MZT1: variants seen among roughly 807,000 people sequenced by gnomAD.
The protein encoded by MZT1 is mitotic-spindle organizing protein 1.
In MZT1, 8 loss-of-function variants were observed where a neutral mutation model predicts 8.5. That is an observed-to-expected ratio of 0.94 (90% CI 0.55 to 1.70). The LOEUF (loss-of-function observed/expected upper bound fraction) is 1.70, where lower values mean the gene tolerates loss of function less well. Among genes scored for constraint, MZT1 ranks in the 40% most tolerant of loss-of-function variants. The pLI, the probability that MZT1 is intolerant of heterozygous loss-of-function variation, is 0.00. For synonymous variants in MZT1, 38 were observed against 42.0 expected (o/e 0.90, Z 0.37); for missense variants, 93 against 108.6 (o/e 0.86, Z 0.64).
intron 1 of MZT1, among the ~76,000 whole-genome samples, chr13:72,726,877 G>T (rs1191589194): frequency 6.6e-6 from 1 of 152,122 alleles, no homozygotes; most frequent in Non-Finnish European, 1.5e-5. Flanking sequence ...CAAATTTCGT[G>T]TTCTGCAACA....
chr13:72,719,436 C>T (rs1028758589), intron 1 of MZT1, among the ~76,000 whole-genome samples: 8 of 152,072 alleles, frequency 5.3e-5, no homozygotes, highest in South Asian at 2.1e-4. Context: ...TTTAACTAGT[C>T]GCATATTATT....
intron 2 of MZT1, among the ~76,000 whole-genome samples, chr13:72,711,974 T>A (rs920585922): frequency 6.6e-6 from 1 of 152,204 alleles, no homozygotes; most frequent in Non-Finnish European, 1.5e-5. Flanking sequence ...CATGATACTA[T>A]CTGGAATGAT....
At chr13:72,722,225 G>T (rs1450325495) in intron 1 of MZT1, among the ~76,000 whole-genome samples, 1 of 152,208 alleles carries the variant, frequency 6.6e-6, no homozygotes, top group Non-Finnish European at 1.5e-5. Context: ...GTAGTATTTA[G>T]TAGGCAAGTT....
At chr13:72,723,735 T>C (rs547741608) in intron 1 of MZT1, among the ~76,000 whole-genome samples, 10 of 152,362 alleles carry the variant, frequency 6.6e-5, no homozygotes, top group African/African-American at 2.2e-4. Flanking sequence ...GTGCCTATTA[T>C]GCTACTGCTG....
chr13:72,718,861 T>G, intron 2 of MZT1, 91 bp downstream of exon 2: 1 of 1,278,004 alleles, frequency 7.8e-7, no homozygotes, highest in Non-Finnish European at 1.0e-6. Context: ...TTTAACCTTG[T>G]TTAACCAGGA....
intron 1 of MZT1, among the ~76,000 whole-genome samples, chr13:72,719,884 G>C (rs1566213706): frequency 9.4e-6 from 1 of 106,378 alleles, no homozygotes; most frequent in African/African-American, 2.9e-5. Flanking sequence ...ATTACAGGTT[G>C]TAAGTACACC....
At chr13:72,720,734 CA>C (rs1231939052) in intron 1 of MZT1, among the ~76,000 whole-genome samples, 1 of 152,004 alleles carries the variant, frequency 6.6e-6, no homozygotes, top group African/African-American at 2.4e-5. Flanking sequence ...ACTAAAAATA[CA>C]AAATTAGCCA....
intron 2 of MZT1, among the ~76,000 whole-genome samples, chr13:72,711,859 T>A (rs1384561654): frequency 6.6e-6 from 1 of 152,238 alleles, no homozygotes; most frequent in African/African-American, 2.4e-5. Flanking sequence ...CTGTCCCAAA[T>A]GGCAATAAGA....
intron 1 of MZT1, among the ~76,000 whole-genome samples, chr13:72,724,442 GGT>G (rs1350635150): frequency 6.6e-6 from 1 of 151,316 alleles, no homozygotes; most frequent in Non-Finnish European, 1.5e-5. Context: ...CTGGATTGAT[GGT>G]GGTAGCATGG....
intron 1 of MZT1, among the ~76,000 whole-genome samples, chr13:72,720,298 C>T (rs1333410762): frequency 6.6e-6 from 1 of 152,184 alleles, no homozygotes; most frequent in East Asian, 1.9e-4. Flanking sequence ...TAATTTCTAA[C>T]TTTATATTGC....
At chr13:72,718,156 T>C (rs2032554811) in intron 2 of MZT1, among the ~76,000 whole-genome samples, 1 of 152,224 alleles carries the variant, frequency 6.6e-6, no homozygotes, top group South Asian at 2.1e-4. Flanking sequence ...CTGACAGCTC[T>C]AGGGGAATAT....
chr13:72,708,578 A>G lies in MZT1; in HGVS notation c.*1744T>C, dbSNP rs1017048502. The G allele has an allele frequency of 1.3e-5, 2 of 152,610 alleles. No individual in the cohort carries two copies. Among genetic ancestry groups the G allele is most frequent in the Non-Finnish European group, 2.9e-5 (2 of 68,032 alleles). The allele number at this position is 152,610 out of a possible 1,614,324, so 9.5% of individuals were successfully genotyped here. A position where few individuals can be genotyped will look rare whatever the true frequency, so the allele number is the denominator to read the frequency against. The stretch of plus-strand genomic sequence containing the variant: ...GTTTCATACATAAATAACTTAATCT[A>G]CAAAGTCATAAATAATACTATCAAC... On this transcript the variant is annotated 3_prime_UTR_variant, in exon 3 of 3. Coordinates refer to ENST00000377818, the MANE Select transcript of MZT1 (RefSeq NM_001071775.3).
chr13:72,723,412 CA>C (rs1433869428), intron 1 of MZT1, among the ~76,000 whole-genome samples: 1 of 152,110 alleles, frequency 6.6e-6, no homozygotes, highest in Non-Finnish European at 1.5e-5. Context: ...CCGCAAAATC[CA>C]AAACTTATTA....
chr13:72,719,985 T>G (rs1016983940), intron 1 of MZT1, among the ~76,000 whole-genome samples: 3 of 152,218 alleles, frequency 2.0e-5, no homozygotes, highest in Non-Finnish European at 4.4e-5. Flanking sequence ...TTGTTTCCTA[T>G]ATCATTTCCC....
Position 72,719,055 on chromosome 13 carries a change from A to G in MZT1, c.122T>C (p.Met41Thr). 3 of 1,579,966 alleles carry G rather than the reference A, an allele frequency of 1.9e-6. No individual in the cohort carries two copies. The highest frequency in any genetic ancestry group is 2.6e-6 in the Non-Finnish European group (3 of 1,168,758). Residue 41 changes from methionine to threonine, a missense_variant, in exon 2 of 3, where the codon ATG (methionine) becomes ACG (threonine). Met to Thr is a moderately conservative substitution (Grantham distance 81). Transcript: ENST00000377818. ...CCGTACACAAATAGACAGAGTTTCC[A>G]TATCTAAGCCAGTATTCAAAATTCT... is the stretch of plus-strand genomic sequence containing the variant. The part of the protein sequence containing the change: ...ISRILNTGLD[M>T]ETLSICVRLC...
At chr13:72,713,051 G>A (rs990025564) in intron 2 of MZT1, among the ~76,000 whole-genome samples, 2 of 152,006 alleles carry the variant, frequency 1.3e-5, no homozygotes, top group African/African-American at 4.8e-5. Context: ...TTCTAATAAC[G>A]ACTTCATCTT....
chr13:72,716,416 CCT>C (rs1434252313), intron 2 of MZT1, among the ~76,000 whole-genome samples: 5 of 151,902 alleles, frequency 3.3e-5, no homozygotes, highest in African/African-American at 1.2e-4. Flanking sequence ...TGTGGTTTAC[CCT>C]TTTTAGTTAG....
intron 1 of MZT1, among the ~76,000 whole-genome samples, chr13:72,720,844 C>A (rs756842766): frequency 6.6e-6 from 1 of 152,044 alleles, no homozygotes; most frequent in Non-Finnish European, 1.5e-5. Flanking sequence ...GCCGAGATTG[C>A]GCCATTGCAC....
In MZT1 at chr13:72,718,934, C is replaced by T. The variant is rs1279530643; in HGVS notation, c.225+18G>A. 6.4e-7 allele frequency: 1 copy of T among 1,554,946 alleles called. No individual in the cohort carries two copies. Among genetic ancestry groups the T allele is most frequent in the African/African-American group, 1.4e-5 (1 of 71,126 alleles). ...TAAAAGCATCTTTATTTAGAATGAACTAATAGGAATCTCCAACCTTCAGTG... is the reference window on the plus strand; with the variant it reads ...TAAAAGCATCTTTATTTAGAATGAATTAATAGGAATCTCCAACCTTCAGTG... On this transcript the variant is annotated intron_variant, in intron 2 of 2. Transcript: ENST00000377818.
Sources: allele counts gnomAD v4.1 joint callset (sites outside exome capture counted in the v4.1 genomes callset), GRCh38; gene constraint gnomAD v4.1.1; transcripts MANE v1.5; gene names NCBI Gene and HGNC (gene_info 2026-07-23, HGNC 2026-07-21).